The following MYO5B variants were observed in gnomAD, a reference collection of about 807,000 sequenced individuals.
MYO5B encodes myosin VB, also known as unconventional myosin-Vb.
A neutral mutation model predicts 229.3 loss-of-function variants in MYO5B; 143 were observed. The observed-to-expected ratio is 0.62, with a 90% confidence interval of 0.54 to 0.72. The LOEUF is 0.72. Ranked by LOEUF, MYO5B falls within the 30% of genes least tolerant of loss-of-function variation. The pLI is 0.00. For missense variants in MYO5B, 2,321 were observed against 2,331.0 expected (o/e 1.00, Z 0.09); for synonymous variants, 918 against 885.2 (o/e 1.04, Z -0.66).
At chr18:49,904,905 G>A in intron 19 of MYO5B, 77 bp from the exon 20 acceptor site, 2 of 1,541,756 alleles carry the variant, frequency 1.3e-6, no homozygotes, top group Non-Finnish European at 1.8e-6. Flanking sequence ...TGAGACATCT[G>A]CAAATGCAAA....
intron 21 of MYO5B, among the ~76,000 whole-genome samples, chr18:49,897,221 C>T (rs765971120): frequency 2.0e-5 from 3 of 152,122 alleles, no homozygotes; most frequent in Non-Finnish European, 4.4e-5. Context: ...CTGCAGGTGT[C>T]ACAGCCATGC....
intron 1 of MYO5B, among the ~76,000 whole-genome samples, chr18:50,158,045 T>C (rs973479801): frequency 1.3e-5 from 2 of 152,206 alleles, no homozygotes; most frequent in Admixed American, 6.5e-5. Flanking sequence ...AAGCAGAGGA[T>C]GGCAGGAGCA....
Position 50,183,238 on chromosome 18 carries a change from C to T in MYO5B, c.27+11529G>A, listed in dbSNP as rs376155337. Among the ~76,000 whole-genome samples, 190 of 150,004 alleles carry T rather than the reference C, an allele frequency of 1.3e-3. 5 individuals are homozygous for T. In the South Asian group the frequency reaches 0.039, roughly 31 times the overall value. ...TTTCCCATGCTGCTCCCCTGCCACT[C>T]CCACCTCCCAGTAATTATTCTAGAC... On this transcript the variant is annotated intron_variant, in intron 1 of 39. Transcript: ENST00000285039.
rs951232466 is a variant in MYO5B, at chr18:49,868,603, T to C, written c.3603+3564A>G. On this transcript the variant is annotated intron_variant, in intron 27 of 39. Transcript: ENST00000285039. ...GCCAGCTTCCAGGTCAGCACAGTCATGGCTCCTTTTGGCTACCAGGCCTGT... is the reference window on the plus strand; with the variant it reads ...GCCAGCTTCCAGGTCAGCACAGTCACGGCTCCTTTTGGCTACCAGGCCTGT... Among the ~76,000 whole-genome samples the C allele has an allele frequency of 3.3e-5, 5 of 152,210 alleles. No individual in the cohort carries two copies. The East Asian group carries it at 9.6e-4, about 29-fold the overall frequency.
intron 1 of MYO5B, among the ~76,000 whole-genome samples, chr18:50,172,043 G>A (rs1048181961): frequency 1.3e-5 from 2 of 152,108 alleles, no homozygotes; most frequent in Non-Finnish European, 2.9e-5. Flanking sequence ...CACCCCTGGA[G>A]GCCTCATGTT....
In MYO5B at chr18:49,902,849, G is replaced by A; in HGVS notation, c.2572-16C>T. 1 of 1,598,428 alleles carries A rather than the reference G, an allele frequency of 6.3e-7. No individual in the cohort carries two copies. The highest frequency in any genetic ancestry group is 8.5e-7 in the Non-Finnish European group (1 of 1,179,574). ...CCATGAGGACCTGGCGGGAAACAAG[G>A]ATACACATCTTGTGGGTTTGCACTG... On this transcript the variant is annotated splice_polypyrimidine_tract_variant and intron_variant, in intron 20 of 39. Coordinates refer to ENST00000285039, the MANE Select transcript of MYO5B (RefSeq NM_001080467.3).
chr18:49,878,321 T>C (rs1371826712), intron 24 of MYO5B, among the ~76,000 whole-genome samples: 1 of 151,830 alleles, frequency 6.6e-6, no homozygotes. Context: ...ATACTGTTCA[T>C]TTAAAAATAC....
chr18:49,845,493 C>G (rs2024113727), intron 33 of MYO5B, among the ~76,000 whole-genome samples: 1 of 152,352 alleles, frequency 6.6e-6, no homozygotes, highest in Admixed American at 6.5e-5. Flanking sequence ...ATTTGAACTT[C>G]AAATATTCCT....
chr18:50,154,229 A>G (rs2032645424), intron 1 of MYO5B, among the ~76,000 whole-genome samples: 1 of 152,214 alleles, frequency 6.6e-6, no homozygotes, highest in Admixed American at 6.5e-5. Flanking sequence ...ACTTTCACTC[A>G]TTATCTTAGA....
intron 17 of MYO5B, among the ~76,000 whole-genome samples, chr18:49,912,741 T>A (rs533016780): frequency 3.7e-4 from 56 of 152,344 alleles, no homozygotes; most frequent in African/African-American, 1.3e-3. Context: ...TGTGAGTCCA[T>A]TAAAGCTCCT....
chr18:49,968,692 G>T (rs922134308), intron 10 of MYO5B, among the ~76,000 whole-genome samples: 4 of 151,718 alleles, frequency 2.6e-5, no homozygotes, highest in African/African-American at 7.3e-5. Context: ...TCCTTATTTT[G>T]TCATGCTTTA....
chr18:50,067,392 T>G (rs1044373070), intron 1 of MYO5B, among the ~76,000 whole-genome samples: 136 of 152,312 alleles, frequency 8.9e-4, no homozygotes, highest in African/African-American at 3.0e-3. Context: ...GAGCAGCATG[T>G]ACACACCCAT....
Position 49,980,536 on chromosome 18 carries a change from G to C in MYO5B, c.964C>G (p.Gln322Glu), listed in dbSNP as rs1440378944. Reference sequence around the variant, plus strand: ...GCAATTATCTTAAAAATGCTCATCTGATGGGACTCTTTCACTCCTGGAAAA... The same window carrying C: ...GCAATTATCTTAAAAATGCTCATCTCATGGGACTCTTTCACTCCTGGAAAA... ...FTLLGVKESH[Q>E]MSIFKIIASI... Residue 322 changes from glutamine (Q) to glutamate (E), a missense_variant, in exon 9 of 40, where the codon CAG becomes GAG. By Grantham distance (29) the Gln-to-Glu change is conservative (BLOSUM62 2). This residue lies in a region of MYO5B where 2,113 missense variants were observed against 2,044.7 expected (regional missense o/e 1.03). Transcript: ENST00000285039. 1.2e-6 allele frequency: 2 copies of C among 1,612,566 alleles called. No homozygotes were observed. The highest frequency in any genetic ancestry group is 1.7e-6 in the Non-Finnish European group (2 of 1,178,772).
chr18:50,129,065 G>A (rs564468320), intron 1 of MYO5B, among the ~76,000 whole-genome samples: 41 of 152,346 alleles, frequency 2.7e-4, no homozygotes, highest in African/African-American at 9.4e-4. Flanking sequence ...GCCGGCTCAG[G>A]AGAATGAGGT....
chr18:50,073,159 T>C (rs2030998113), intron 1 of MYO5B, among the ~76,000 whole-genome samples: 2 of 152,220 alleles, frequency 1.3e-5, no homozygotes, highest in African/African-American at 2.4e-5. Flanking sequence ...CAAATGCTAA[T>C]TGCTATCATT....
intron 10 of MYO5B, among the ~76,000 whole-genome samples, chr18:49,963,991 G>A (rs2025593080): frequency 6.6e-6 from 1 of 152,136 alleles, no homozygotes; most frequent in African/African-American, 2.4e-5. Flanking sequence ...AGCTGGCAGT[G>A]GCCCCCACAG....
intron 1 of MYO5B, among the ~76,000 whole-genome samples, chr18:50,122,223 C>T (rs1379839532): frequency 6.6e-6 from 1 of 152,114 alleles, no homozygotes; most frequent in Non-Finnish European, 1.5e-5. Context: ...CTCCTAATCA[C>T]ACAAATTCAT....
chr18:49,850,602 A>G (rs1308164919), intron 31 of MYO5B: 2 of 152,338 alleles, frequency 1.3e-5, no homozygotes, highest in East Asian at 3.9e-4. Context: ...TTATTCAGTG[A>G]CCTAAGAGTG....
In MYO5B at chr18:49,895,034, C is replaced by T; in HGVS notation, c.2952G>A (p.Glu984=). 1 of 1,614,036 alleles carries T rather than the reference C, an allele frequency of 6.2e-7. No homozygotes were observed. The highest frequency in any genetic ancestry group is 1.3e-5 in the African/African-American group (1 of 75,054). ...GCAGCTCTGTGCGCAGGCTCTCCAC[C>T]TCCTCCTGCAGCCTGAGGCTGGTGT... ...GEDTSLRLQE[E]VESLRTELQR... Residue 984 remains glutamate (E), a synonymous_variant, in exon 22 of 40, where the codon GAG becomes GAA. Coordinates refer to ENST00000285039, the MANE Select transcript of MYO5B (RefSeq NM_001080467.3).
Sources: allele counts gnomAD v4.1 joint callset (sites outside exome capture counted in the v4.1 genomes callset), GRCh38; gene constraint gnomAD v4.1.1; regional missense constraint gnomAD v4.1.1; transcripts MANE v1.5; gene names NCBI Gene and HGNC (gene_info 2026-07-23, HGNC 2026-07-21).